Variants in ADAMTS12 observed in about 807,000 individuals in gnomAD.
ADAMTS12 encodes ADAM metallopeptidase with thrombospondin type 1 motif 12, also known as A disintegrin and metalloproteinase with thrombospondin motifs 12.
Under a neutral mutation model 167.8 loss-of-function variants are expected in ADAMTS12, and 118 were observed. The observed-to-expected ratio is 0.70, with a 90% CI of 0.61 to 0.82. The LOEUF (loss-of-function observed/expected upper bound fraction) is 0.82, where lower values mean the gene tolerates loss of function less well. Among genes scored for constraint, ADAMTS12 ranks in the 40% least tolerant of loss-of-function variants. ADAMTS12 has a pLI of 0.00. For missense variants in ADAMTS12, 1,916 were observed against 1,998.8 expected (o/e 0.96, Z 0.79); for synonymous variants, 704 against 716.9 (o/e 0.98, Z 0.29).
intron 3 of ADAMTS12, among the ~76,000 whole-genome samples, chr5:33,704,430 T>G (rs936220548): frequency 8.5e-5 from 13 of 152,342 alleles, no homozygotes; most frequent in African/African-American, 3.1e-4. Context: ...CATATTGATT[T>G]ACATAGTGTC....
At chr5:33,649,777 C>G in intron 7 of ADAMTS12, 80 bp from the exon 8 acceptor site, 1 of 1,541,048 alleles carries the variant, frequency 6.5e-7, no homozygotes, top group Non-Finnish European at 8.8e-7. Context: ...TCCCTAAGAG[C>G]GTAATAACTC....
At chr5:33,701,410 T>C (rs971693841) in intron 3 of ADAMTS12, among the ~76,000 whole-genome samples, 5 of 152,210 alleles carry the variant, frequency 3.3e-5, no homozygotes, top group Non-Finnish European at 7.3e-5. Flanking sequence ...GAATTCCATC[T>C]GCACTCATCA....
At chr5:33,703,928 C>T (rs747147703) in intron 3 of ADAMTS12, among the ~76,000 whole-genome samples, 7 of 152,162 alleles carry the variant, frequency 4.6e-5, no homozygotes, top group Non-Finnish European at 7.4e-5. Context: ...AGCCTAATCC[C>T]CAGACAGGCC....
In ADAMTS12 at chr5:33,709,603, G is replaced by A. The variant is rs548079664; in HGVS notation, c.635-25548C>T. Among the ~76,000 whole-genome samples the A allele has an allele frequency of 2.7e-4, 41 of 152,124 alleles. No homozygotes were observed. The South Asian group carries it at 8.5e-3, about 32-fold the overall frequency. ...CATTATCCTCAGCAAACTAAAGCAGGAACAGAAAACCAAACACTGCATGTT... is the reference window on the plus strand; with the variant it reads ...CATTATCCTCAGCAAACTAAAGCAGAAACAGAAAACCAAACACTGCATGTT... On this transcript the variant is annotated intron_variant, in intron 3 of 23. Coordinates refer to ENST00000504830, the MANE Select transcript of ADAMTS12 (RefSeq NM_030955.4).
chr5:33,780,713 G>T lies in ADAMTS12; in HGVS notation c.490-29165C>A, dbSNP rs561937291. On this transcript the variant is annotated intron_variant, in intron 2 of 23. Coordinates refer to ENST00000504830, the MANE Select transcript of ADAMTS12 (RefSeq NM_030955.4). ...TTATATTCAAATTGTTTTCTAAATCGTATTGCTTTAAGACAAGAGCAGCCA... is the reference window on the plus strand; with the variant it reads ...TTATATTCAAATTGTTTTCTAAATCTTATTGCTTTAAGACAAGAGCAGCCA... Among the ~76,000 whole-genome samples the T allele has an allele frequency of 5.9e-5, 9 of 152,252 alleles. No homozygotes were observed. In the South Asian group the frequency reaches 1.7e-3, roughly 28 times the overall value.
chr5:33,817,657 T>A (rs751742081), intron 2 of ADAMTS12, among the ~76,000 whole-genome samples: 2 of 152,094 alleles, frequency 1.3e-5, no homozygotes, highest in Non-Finnish European at 2.9e-5. Flanking sequence ...AGACAGCAGA[T>A]AATGTCATCA....
intron 2 of ADAMTS12, among the ~76,000 whole-genome samples, chr5:33,826,119 C>T (rs1262541275): frequency 6.6e-6 from 1 of 152,192 alleles, no homozygotes; most frequent in Non-Finnish European, 1.5e-5. Context: ...CACCTCTATA[C>T]TCCTAGATGA....
chr5:33,851,023 A>C (rs531377277), intron 2 of ADAMTS12, among the ~76,000 whole-genome samples: 1 of 152,294 alleles, frequency 6.6e-6, no homozygotes, highest in East Asian at 1.9e-4. Flanking sequence ...TCAGGCATAA[A>C]CTTCAGGTCT....
intron 18 of ADAMTS12, among the ~76,000 whole-genome samples, chr5:33,584,792 A>G (rs1747254369): frequency 6.6e-6 from 1 of 152,184 alleles, no homozygotes; most frequent in African/African-American, 2.4e-5. Flanking sequence ...TATCATTACT[A>G]TTAGTCTAAT....
intron 3 of ADAMTS12, among the ~76,000 whole-genome samples, chr5:33,745,564 C>T (rs1347204348): frequency 6.6e-6 from 1 of 152,064 alleles, no homozygotes; most frequent in Non-Finnish European, 1.5e-5. Flanking sequence ...GGGCTCAGCA[C>T]AGAGCATCCT....
chr5:33,557,714 G>A (rs945718470), intron 20 of ADAMTS12, among the ~76,000 whole-genome samples: 1 of 152,106 alleles, frequency 6.6e-6, no homozygotes, highest in African/African-American at 2.4e-5. Context: ...GTATGCCAGG[G>A]ATCCCCAATC....
At chr5:33,825,575 T>A (rs1271694495) in intron 2 of ADAMTS12, among the ~76,000 whole-genome samples, 4 of 152,188 alleles carry the variant, frequency 2.6e-5, no homozygotes, top group African/African-American at 7.2e-5. Context: ...GCAAAAAGCA[T>A]ATGAGTCTCT....
At chr5:33,655,996 T>TAAA (rs766167533) in intron 7 of ADAMTS12, among the ~76,000 whole-genome samples, 1 of 152,180 alleles carries the variant, frequency 6.6e-6, no homozygotes, top group Non-Finnish European at 1.5e-5. Context: ...CCTTCAGTGT[T>TAAA]CTTTAATTCT....
intron 17 of ADAMTS12, 91 bp downstream of exon 17, chr5:33,595,843 A>C (rs764457896): frequency 1.3e-6 from 2 of 1,538,614 alleles, no homozygotes; most frequent in Non-Finnish European, 1.8e-6. Context: ...AAAACCACAC[A>C]ATATTTCTTT....
Position 33,831,616 on chromosome 5 carries a change from T to C in ADAMTS12, c.489+49503A>G, listed in dbSNP as rs182042115. On this transcript the variant is annotated intron_variant, in intron 2 of 23. Coordinates refer to ENST00000504830, the MANE Select transcript of ADAMTS12 (RefSeq NM_030955.4). The stretch of plus-strand genomic sequence containing the variant: ...CCAGCTGGTCCTCCTTCTAGATGAT[T>C]CATTACTCCCCAAATCACATGATTG... Among the ~76,000 whole-genome samples the C allele has an allele frequency of 1.1e-4, 16 of 152,338 alleles. No homozygotes were observed. The South Asian group carries it at 3.1e-3, about 30-fold the overall frequency.
rs114218695 is a variant in ADAMTS12 at position 33,845,790 on chromosome 5, G to A, written c.489+35329C>T. 1.4e-3 allele frequency among the ~76,000 whole-genome samples: 217 copies of A among 152,290 alleles called. 1 individual carries two copies. Among genetic ancestry groups the A allele is most frequent in the African/African-American group, 5.0e-3 (207 of 41,564 alleles). ...AATGAGAAAATACATGGTCACTTCC[G>A]GCTATTTCTGCCAAAGATGCCATCT... On this transcript the variant is annotated intron_variant, in intron 2 of 23. Transcript: ENST00000504830.
chr5:33,872,106 T>TC (rs1447598416), intron 2 of ADAMTS12, among the ~76,000 whole-genome samples: 2 of 152,200 alleles, frequency 1.3e-5, no homozygotes, highest in African/African-American at 4.8e-5. Flanking sequence ...CCAGATAGGT[T>TC]CACTGGTGAA....
intron 18 of ADAMTS12, among the ~76,000 whole-genome samples, chr5:33,580,067 G>T (rs974155787): frequency 6.6e-6 from 1 of 152,196 alleles, no homozygotes; most frequent in Admixed American, 6.5e-5. Flanking sequence ...AGAGCCAACC[G>T]ATGGATATGT....
At chr5:33,873,265 T>C (rs1216293740) in intron 2 of ADAMTS12, among the ~76,000 whole-genome samples, 2 of 151,724 alleles carry the variant, frequency 1.3e-5, no homozygotes, top group Non-Finnish European at 2.9e-5. Context: ...TTTTACTATA[T>C]ACCAGCAATG....
Sources: allele counts gnomAD v4.1 joint callset (sites outside exome capture counted in the v4.1 genomes callset), GRCh38; gene constraint gnomAD v4.1.1; transcripts MANE v1.5; gene names NCBI Gene and HGNC (gene_info 2026-07-23, HGNC 2026-07-21).